CNTNAP2: variants seen among roughly 807,000 people sequenced by gnomAD.
The protein encoded by CNTNAP2 is contactin-associated protein-like 2.
A neutral mutation model predicts 155.2 loss-of-function variants in CNTNAP2; 98 were observed. That is an observed-to-expected ratio of 0.63 (90% CI 0.54 to 0.75). The LOEUF (loss-of-function observed/expected upper bound fraction) is 0.75, where lower values mean the gene tolerates loss of function less well. Ranked by LOEUF, CNTNAP2 falls within the 30% of genes least tolerant of loss-of-function variation. CNTNAP2 has a pLI of 0.00. For synonymous variants in CNTNAP2, 651 were observed against 631.2 expected (o/e 1.03, Z -0.47); for missense variants, 1,727 against 1,688.1 (o/e 1.02, Z -0.40).
intron 11 of CNTNAP2, among the ~76,000 whole-genome samples, chr7:147,528,004 T>C (rs764842045): frequency 1.3e-5 from 2 of 152,170 alleles, no homozygotes; most frequent in Non-Finnish European, 2.9e-5. Context: ...AGAAACCTTT[T>C]GGTACGTGGG....
chr7:148,276,925 C>T (rs1206058342), intron 21 of CNTNAP2, among the ~76,000 whole-genome samples: 1 of 152,164 alleles, frequency 6.6e-6, no homozygotes, highest in African/African-American at 2.4e-5. Context: ...TGTCGTATTC[C>T]TTCTGGGTAG....
chr7:148,294,064 A>G (rs1797239445), intron 21 of CNTNAP2, among the ~76,000 whole-genome samples: 1 of 147,356 alleles, frequency 6.8e-6, no homozygotes. Context: ...AAAAAAAAAA[A>G]AAAGAATCTA....
intron 1 of CNTNAP2, among the ~76,000 whole-genome samples, chr7:146,294,168 A>C (rs1451634564): frequency 6.6e-6 from 1 of 152,230 alleles, no homozygotes; most frequent in African/African-American, 2.4e-5. Context: ...TTTTAAATAC[A>C]AGTTAATGGT....
intron 1 of CNTNAP2, among the ~76,000 whole-genome samples, chr7:146,444,804 C>T (rs1182529583): frequency 2.6e-5 from 4 of 151,832 alleles, no homozygotes; most frequent in Non-Finnish European, 5.9e-5. Flanking sequence ...ATTACAGGTG[C>T]CTGCCACCAT....
chr7:146,833,110 T>C (rs1339893803), intron 2 of CNTNAP2, among the ~76,000 whole-genome samples: 1 of 152,218 alleles, frequency 6.6e-6, no homozygotes, highest in Non-Finnish European at 1.5e-5. Context: ...TTTCTTTTAG[T>C]ATCCATCTAT....
At chr7:146,381,897 C>T (rs1320724251) in intron 1 of CNTNAP2, among the ~76,000 whole-genome samples, 1 of 152,034 alleles carries the variant, frequency 6.6e-6, no homozygotes, top group Non-Finnish European at 1.5e-5. Context: ...ACCATTTGTC[C>T]CAGGGAAAAT....
chr7:146,813,056 T>C (rs1285024332), intron 2 of CNTNAP2, among the ~76,000 whole-genome samples: 4 of 152,180 alleles, frequency 2.6e-5, no homozygotes, highest in Non-Finnish European at 5.9e-5. Flanking sequence ...AATGCCTGGA[T>C]GTCTAGGCAG....
chr7:147,024,976 T>A (rs1798876185), intron 3 of CNTNAP2, among the ~76,000 whole-genome samples: 1 of 151,862 alleles, frequency 6.6e-6, no homozygotes, highest in African/African-American at 2.4e-5. Context: ...AGGATCTTGC[T>A]AAACCATTAG....
At chr7:147,728,000 C>G (rs1303988454) in intron 13 of CNTNAP2, among the ~76,000 whole-genome samples, 3 of 151,942 alleles carry the variant, frequency 2.0e-5, no homozygotes, top group Non-Finnish European at 4.4e-5. Flanking sequence ...CCTAGTGGTA[C>G]AAATGAGACC....
At chr7:147,265,154 A>C (rs1262760688) in intron 8 of CNTNAP2, among the ~76,000 whole-genome samples, 1 of 152,208 alleles carries the variant, frequency 6.6e-6, no homozygotes, top group Non-Finnish European at 1.5e-5. Flanking sequence ...GGGTACCCAG[A>C]AGATGGATCA....
At chr7:147,866,159 T>C (rs10242374) in intron 13 of CNTNAP2, among the ~76,000 whole-genome samples, 8,067 of 152,308 alleles carry the variant, frequency 0.053, 255 homozygotes, top group African/African-American at 0.065. Flanking sequence ...CATCTTTATT[T>C]CTGCCTTCAT....
chr7:146,792,092 T>A, intron 2 of CNTNAP2, among the ~76,000 whole-genome samples: 1 of 152,174 alleles, frequency 6.6e-6, no homozygotes, highest in Admixed American at 6.6e-5. Context: ...GAATTCTACA[T>A]CTCACTGCCG....
chr7:146,896,714 A>G (rs1795884930), intron 3 of CNTNAP2, among the ~76,000 whole-genome samples: 1 of 152,084 alleles, frequency 6.6e-6, no homozygotes, highest in Admixed American at 6.6e-5. Context: ...AAAGTACAAT[A>G]AGAAAATATA....
chr7:147,547,071 A>T (rs1175579042), intron 11 of CNTNAP2, among the ~76,000 whole-genome samples: 1 of 152,182 alleles, frequency 6.6e-6, no homozygotes, highest in Non-Finnish European at 1.5e-5. Flanking sequence ...GATATAAATT[A>T]GTATACAAGA....
chr7:148,361,086 G>T (rs948693598), intron 21 of CNTNAP2, among the ~76,000 whole-genome samples: 7 of 152,182 alleles, frequency 4.6e-5, no homozygotes, highest in African/African-American at 1.7e-4. Flanking sequence ...GGGATTACAG[G>T]CATGAGCCAC....
At chr7:147,026,236 A>T (rs908531555) in intron 3 of CNTNAP2, among the ~76,000 whole-genome samples, 2 of 152,178 alleles carry the variant, frequency 1.3e-5, no homozygotes, top group African/African-American at 4.8e-5. Context: ...TAGGATCCTG[A>T]GATACGTATG....
chr7:148,007,459 A>G (rs1018059367), intron 15 of CNTNAP2, among the ~76,000 whole-genome samples: 2 of 152,172 alleles, frequency 1.3e-5, no homozygotes, highest in African/African-American at 4.8e-5. Flanking sequence ...CCCTGACACT[A>G]CAGATTTATG....
intron 15 of CNTNAP2, among the ~76,000 whole-genome samples, chr7:148,017,421 A>G (rs1481592974): frequency 2.0e-5 from 3 of 152,206 alleles, no homozygotes; most frequent in African/African-American, 7.2e-5. Context: ...TAAAATTTTT[A>G]TATCTAGCAT....
At chr7:146,354,911 G>C (rs150401710) in intron 1 of CNTNAP2, among the ~76,000 whole-genome samples, 1 of 152,290 alleles carries the variant, frequency 6.6e-6, no homozygotes, top group East Asian at 1.9e-4. Context: ...ATAAATATTT[G>C]TATTTTGAGT....
Sources: allele counts gnomAD v4.1 joint callset (sites outside exome capture counted in the v4.1 genomes callset), GRCh38; gene constraint gnomAD v4.1.1; transcripts MANE v1.5; gene names NCBI Gene and HGNC (gene_info 2026-07-23, HGNC 2026-07-21).